The following EPS8 variants were observed in gnomAD, a reference collection of about 807,000 sequenced individuals.
The protein encoded by EPS8 is epidermal growth factor receptor kinase substrate 8.
A neutral mutation model predicts 103.8 loss-of-function variants in EPS8; 42 were observed. The observed-to-expected ratio is 0.40, with a 90% CI of 0.32 to 0.52. The LOEUF (loss-of-function observed/expected upper bound fraction) is 0.52. EPS8 is among the 20% of genes least tolerant of loss of function. The probability of loss-of-function intolerance (pLI) is 0.40; values close to 1 mark genes in which losing one functional copy is unlikely to be tolerated. For synonymous variants in EPS8, 344 were observed against 344.6 expected (o/e 1.00, Z 0.02); for missense variants, 969 against 1,005.1 (o/e 0.96, Z 0.49).
chr12:15,642,420 T>C (rs1261424897), intron 15 of EPS8, among the ~76,000 whole-genome samples: 1 of 152,136 alleles, frequency 6.6e-6, no homozygotes, highest in Non-Finnish European at 1.5e-5. Context: ...AAGTAAATAA[T>C]TTAATTCACT....
At chr12:15,710,615 TA>T (rs1296435226) in intron 1 of EPS8, among the ~76,000 whole-genome samples, 1 of 152,174 alleles carries the variant, frequency 6.6e-6, no homozygotes, top group African/African-American at 2.4e-5. Context: ...CGATTCTGTA[TA>T]AAAATGCCAC....
intron 1 of EPS8, among the ~76,000 whole-genome samples, chr12:15,755,642 T>A (rs1443111621): frequency 6.6e-6 from 1 of 152,232 alleles, no homozygotes; most frequent in African/African-American, 2.4e-5. Context: ...TCTCTTTCTA[T>A]GGGTTCCCTC....
intron 1 of EPS8, chr12:15,782,098 T>A (rs929328199): frequency 6.6e-6 from 1 of 152,196 alleles, no homozygotes; most frequent in Non-Finnish European, 1.5e-5. Flanking sequence ...AGAGGTACAT[T>A]TGACTTTTGA....
chr12:15,675,990 C>T (rs1245057624), intron 3 of EPS8, among the ~76,000 whole-genome samples: 4 of 151,944 alleles, frequency 2.6e-5, no homozygotes, highest in Non-Finnish European at 4.4e-5. Context: ...AAGACTCTCT[C>T]GGCTGGGCGT....
chr12:15,735,889 GT>G lies in EPS8; in HGVS notation c.-21-52918del, dbSNP rs1410868125. 6.6e-6 allele frequency among the ~76,000 whole-genome samples: 1 copy of G among 152,184 alleles called. No individual in the cohort carries two copies. The highest frequency in any genetic ancestry group is 2.4e-5 in the African/African-American group (1 of 41,538). ...AATAGGACAAAGACAAAGAGTTTGTGTTTTTTTGTGTTTTGTGACAGGGTCT... is the reference window on the plus strand; with the variant it reads ...AATAGGACAAAGACAAAGAGTTTGTGTTTTTTGTGTTTTGTGACAGGGTCT... On this transcript the variant is annotated intron_variant, in intron 1 of 20. Transcript: ENST00000281172. The surrounding 1 kb of genome is among the most constrained non-coding windows in gnomAD (Gnocchi z 4.4).
rs551165390 is a variant in EPS8 at position 15,758,219 on chromosome 12, G to A, written c.-22+30942C>T. ...GACCCCACCTCTCAGCTGCAGGAAT[G>A]TCAGTCACATTTTTAAAAAGGATGT... On this transcript the variant is annotated intron_variant, in intron 1 of 20. Transcript: ENST00000281172. 5.3e-5 allele frequency among the ~76,000 whole-genome samples: 8 copies of A among 152,328 alleles called. No individual in the cohort carries two copies. In the East Asian group the frequency reaches 1.3e-3, roughly 26 times the overall value.
Position 15,780,481 on chromosome 12 carries a change from A to AACACACACACACACACACACAC in EPS8, c.-22+8658_-22+8679dup, listed in dbSNP as rs10637427. The AACACACACACACACACACACAC allele has an allele frequency of 2.4e-4, 28 of 117,542 alleles. No individual in the cohort carries two copies. Among genetic ancestry groups the AACACACACACACACACACACAC allele is most frequent in the East Asian group, 2.1e-3 (8 of 3,772 alleles). The allele number at this position is 117,542 out of a possible 1,614,324, so 7.3% of individuals were successfully genotyped here. A position where few individuals can be genotyped will look rare whatever the true frequency, so the allele number is the denominator to read the frequency against. On this transcript the variant is annotated intron_variant, in intron 1 of 20. Coordinates refer to ENST00000281172, the MANE Select transcript of EPS8 (RefSeq NM_004447.6). The surrounding 1 kb of genome is among the most constrained non-coding windows in gnomAD (Gnocchi z 4.1). The stretch of plus-strand genomic sequence containing the variant: ...CTCCTTTCTGCTATGTGCTGGGATA[A>AACACACACACACACACACACAC]ACACACACACACACACACACACACA...
chr12:15,671,289 C>T (rs1945813045), intron 3 of EPS8, among the ~76,000 whole-genome samples: 1 of 152,042 alleles, frequency 6.6e-6, no homozygotes, highest in Non-Finnish European at 1.5e-5. Flanking sequence ...TGTTACTGCA[C>T]TGATATCAAA....
chr12:15,765,179 C>A (rs1262006139), intron 1 of EPS8, among the ~76,000 whole-genome samples: 1 of 152,068 alleles, frequency 6.6e-6, no homozygotes, highest in East Asian at 1.9e-4. Context: ...CAGACTTTAA[C>A]AAAAGAACCT....
chr12:15,757,845 T>C lies in EPS8; in HGVS notation c.-22+31316A>G, dbSNP rs1947003348. 6.6e-6 allele frequency among the ~76,000 whole-genome samples: 1 copy of C among 152,198 alleles called. No homozygotes were observed. The highest frequency in any genetic ancestry group is 1.5e-5 in the Non-Finnish European group (1 of 68,040). On this transcript the variant is annotated intron_variant, in intron 1 of 20. Transcript: ENST00000281172. The surrounding 1 kb of genome is among the most constrained non-coding windows in gnomAD (Gnocchi z 4.1). ...ATAAATTCCTCAAAACTTAGCAGCT[T>C]AGAAGAACAATAGCGTAAGGTACTA...
intron 17 of EPS8, among the ~76,000 whole-genome samples, chr12:15,637,107 G>A (rs901436759): frequency 1.3e-5 from 2 of 152,204 alleles, no homozygotes; most frequent in African/African-American, 2.4e-5. Context: ...CGCATCCCCT[G>A]CCTCCTGGGT....
intron 10 of EPS8, 53 bp downstream of exon 10, chr12:15,660,560 AG>A: frequency 1.1e-6 from 1 of 903,330 alleles, no homozygotes. Context: ...CACTGCGCCC[AG>A]CCAGTACTGG....
chr12:15,738,760 C>T lies in EPS8; in HGVS notation c.-22+50401G>A, dbSNP rs1461971228. On this transcript the variant is annotated intron_variant, in intron 1 of 20. Coordinates refer to ENST00000281172, the MANE Select transcript of EPS8 (RefSeq NM_004447.6). The surrounding 1 kb of genome is among the most constrained non-coding windows in gnomAD (Gnocchi z 6.2). Reference sequence around the variant, plus strand: ...CCAACTTGGTTTTTTTTTTGTAATACCAGCAGCTACAAAGTCCTGGCAATA... The same window carrying T: ...CCAACTTGGTTTTTTTTTTGTAATATCAGCAGCTACAAAGTCCTGGCAATA... Among the ~76,000 whole-genome samples the T allele has an allele frequency of 6.6e-6, 1 of 151,728 alleles. No homozygotes were observed.
intron 1 of EPS8, among the ~76,000 whole-genome samples, chr12:15,743,664 G>A (rs1472173295): frequency 6.6e-6 from 1 of 152,160 alleles, no homozygotes; most frequent in African/African-American, 2.4e-5. Context: ...AATGGGGAAA[G>A]GATTCCCTAT....
rs748367901 is a variant in EPS8, at chr12:15,721,002, G to A, written c.-21-38030C>T. Reference sequence around the variant, plus strand: ...TTCTCCCTACCACTTACTACAGTTGGTGATGTTGCATGTCATTTATTTTTG... The same window carrying A: ...TTCTCCCTACCACTTACTACAGTTGATGATGTTGCATGTCATTTATTTTTG... On this transcript the variant is annotated intron_variant, in intron 1 of 20. Coordinates refer to ENST00000281172, the MANE Select transcript of EPS8 (RefSeq NM_004447.6). This position sits in a 1 kb window ranked among gnomAD's most constrained non-coding sequence, Gnocchi z 4.4. Among the ~76,000 whole-genome samples the A allele has an allele frequency of 6.6e-6, 1 of 152,126 alleles. No homozygotes were observed. The highest frequency in any genetic ancestry group is 2.1e-4 in the South Asian group (1 of 4,816).
chr12:15,653,623 A>G (rs918143488), intron 13 of EPS8, among the ~76,000 whole-genome samples: 1 of 152,116 alleles, frequency 6.6e-6, no homozygotes, highest in South Asian at 2.1e-4. Flanking sequence ...TAGCAAACCA[A>G]TGATGAACAC....
chr12:15,665,712 C>A (rs1389859029), intron 8 of EPS8, 44 bp downstream of exon 8: 15 of 1,607,070 alleles, frequency 9.3e-6, no homozygotes, highest in Non-Finnish European at 1.2e-5. Flanking sequence ...TATGTCCCAA[C>A]CCAAAGTAAG....
At chr12:15,650,350 GAGA>G (rs1397873241) in intron 14 of EPS8, among the ~76,000 whole-genome samples, 6 of 152,154 alleles carry the variant, frequency 3.9e-5, no homozygotes, top group East Asian at 3.8e-4. Context: ...GCAACGTGAA[GAGA>G]AGGAGAGAAA....
Position 15,728,313 on chromosome 12 carries a change from G to C in EPS8, c.-21-45341C>G, listed in dbSNP as rs185696830. On this transcript the variant is annotated intron_variant, in intron 1 of 20. Coordinates refer to ENST00000281172, the MANE Select transcript of EPS8 (RefSeq NM_004447.6). This position sits in a 1 kb window ranked among gnomAD's most constrained non-coding sequence, Gnocchi z 4.5. ...TCATAGATTCCATTTTCAAACCAGG[G>C]GGGGTGCCTTGTGGGTGTATGTGTG... 2 of 152,182 alleles carry C rather than the reference G, an allele frequency of 1.3e-5. No homozygotes were observed. The highest frequency in any genetic ancestry group is 2.4e-5 in the African/African-American group (1 of 41,426). 9.4% of individuals were successfully genotyped at this position (152,182 alleles called of 1,614,324 possible).
Sources: allele counts gnomAD v4.1 joint callset (sites outside exome capture counted in the v4.1 genomes callset), GRCh38; gene constraint gnomAD v4.1.1; non-coding constraint Gnocchi (gnomAD v3.1); transcripts MANE v1.5; gene names NCBI Gene and HGNC (gene_info 2026-07-23, HGNC 2026-07-21).